The following OPA3 variants were observed in gnomAD, a reference collection of about 807,000 sequenced individuals.
OPA3 encodes the protein optic atrophy 3 protein.
OPA3 carries 6 observed loss-of-function variants against 4.0 expected under a neutral mutation model. That is an observed-to-expected ratio of 1.51 (90% CI 0.83 to 2.99). The LOEUF is 2.99. Among genes scored for constraint, OPA3 ranks in the 30% most tolerant of loss-of-function variants. The pLI, the probability that OPA3 is intolerant of heterozygous loss-of-function variation, is 0.00. For missense variants in OPA3, 235 were observed against 256.2 expected, an observed-to-expected ratio of 0.92 and a Z score of 0.56; for synonymous variants, 105 against 117.1, an observed-to-expected ratio of 0.90 and a Z score of 0.67.
chr19:45,529,542 A>T, intron 1 of OPA3: 1 of 1,503,890 alleles, frequency 6.6e-7, no homozygotes, highest in Non-Finnish European at 9.2e-7. Context: ...TCCCCGTTGT[A>T]GCAATGGGGA....
At chr19:45,578,709 C>T (rs1939791123) in intron 1 of OPA3, among the ~76,000 whole-genome samples, 2 of 152,128 alleles carry the variant, frequency 1.3e-5, no homozygotes, top group African/African-American at 4.8e-5. Context: ...TGCCTGTAAT[C>T]CCAGCTACTC....
downstream of OPA3, among the ~76,000 whole-genome samples, chr19:45,544,076 G>C (rs1969216855): frequency 6.6e-6 from 1 of 152,172 alleles, no homozygotes; most frequent in Non-Finnish European, 1.5e-5. Flanking sequence ...AGGAAGTTCT[G>C]TTATCAGGCA....
At chr19:45,537,841 A>C (rs1969139621) in intron 1 of OPA3, among the ~76,000 whole-genome samples, 1 of 152,154 alleles carries the variant, frequency 6.6e-6, no homozygotes, top group Non-Finnish European at 1.5e-5. Flanking sequence ...AAAGAGGACA[A>C]AATGTTCATT....
intron 1 of OPA3, among the ~76,000 whole-genome samples, chr19:45,576,600 G>A (rs1969772719): frequency 6.7e-6 from 1 of 150,232 alleles, no homozygotes; most frequent in African/African-American, 2.5e-5. Context: ...GGTGTCCGCA[G>A]GGCTGTGTTC....
chr19:45,544,478 G>A (rs139822918), downstream of OPA3, among the ~76,000 whole-genome samples: 1,366 of 151,906 alleles, frequency 9.0e-3, 19 homozygotes, highest in African/African-American at 0.031. Flanking sequence ...TGGCCAACAC[G>A]ATGAAACCCC....
chr19:45,580,001 C>CTTTTTTTTTTTTTTT (rs57357578), intron 1 of OPA3, among the ~76,000 whole-genome samples: 1 of 114,886 alleles, frequency 8.7e-6, no homozygotes, highest in Non-Finnish European at 1.7e-5. Flanking sequence ...TTTTTTTTTT[C>CTTTTTTTTTTTTTTT]TTTTTTTTTT....
intron 1 of OPA3, among the ~76,000 whole-genome samples, chr19:45,567,774 C>G (rs1170948983): frequency 6.6e-6 from 1 of 152,196 alleles, no homozygotes; most frequent in Non-Finnish European, 1.5e-5. Context: ...GAACCTGTTT[C>G]TCTCGCTTTG....
At chr19:45,583,197 C>T (rs1198198512) in intron 1 of OPA3, among the ~76,000 whole-genome samples, 1 of 152,008 alleles carries the variant, frequency 6.6e-6, no homozygotes, top group Admixed American at 6.6e-5. Flanking sequence ...GTCACCCAGG[C>T]TGGAGTACAG....
rs906152732 is a variant in OPA3 at position 45,547,429 on chromosome 19, G to A, written c.*6085C>T. 6.6e-6 allele frequency: 1 copy of A among 152,226 alleles called. No homozygotes were observed. Among genetic ancestry groups the A allele is most frequent in the Non-Finnish European group, 1.5e-5 (1 of 68,034 alleles). The allele number at this position is 152,226 out of a possible 1,614,324, so 9.4% of individuals were successfully genotyped here. A position where few individuals can be genotyped will look rare whatever the true frequency, so the allele number is the denominator to read the frequency against. ...AAGTCTTTATTTACAAAGACAGGAA[G>A]CAAGGGTCCCCTTGATTTGGCCCAA... is the stretch of plus-strand genomic sequence containing the variant. On this transcript the variant is annotated 3_prime_UTR_variant, in exon 2 of 2. Transcript: ENST00000263275.
At chr19:45,570,181 G>A (rs1420784607) in intron 1 of OPA3, among the ~76,000 whole-genome samples, 7 of 152,156 alleles carry the variant, frequency 4.6e-5, no homozygotes, top group African/African-American at 1.7e-4. Flanking sequence ...CCTCTACACA[G>A]GGGCTTCTGA....
intron 1 of OPA3, among the ~76,000 whole-genome samples, chr19:45,536,120 T>C (rs1336492972): frequency 6.7e-6 from 1 of 148,234 alleles, no homozygotes; most frequent in Non-Finnish European, 1.5e-5. Context: ...TCTCAGCTAC[T>C]CAGGAGGCTT....
intron 1 of OPA3, among the ~76,000 whole-genome samples, chr19:45,574,282 C>A (rs1231352248): frequency 6.6e-6 from 1 of 151,596 alleles, no homozygotes; most frequent in Non-Finnish European, 1.5e-5. Flanking sequence ...GTAGTCCCAG[C>A]TACTCGGGAG....
At position 45,553,418 on chromosome 19, in the gene OPA3, G is replaced by A; in HGVS notation, c.*96C>T. The A allele has an allele frequency of 6.3e-7, 1 of 1,597,912 alleles. No homozygotes were observed. Among genetic ancestry groups the A allele is most frequent in the Non-Finnish European group, 8.5e-7 (1 of 1,178,510 alleles). ...GCCAAGTTGCATCAAGATCCTGGTG[G>A]TTTCCACTGGGCCAGCGCAGGCAAG... On this transcript the variant is annotated 3_prime_UTR_variant, in exon 2 of 2. Transcript: ENST00000263275.
At chr19:45,564,188 A>C in intron 1 of OPA3, among the ~76,000 whole-genome samples, 1 of 148,866 alleles carries the variant, frequency 6.7e-6, no homozygotes, top group East Asian at 2.0e-4. Flanking sequence ...TTGGGAGGGT[A>C]TGCGACTAGG....
chr19:45,543,761 T>C (rs1304058737), downstream of OPA3, among the ~76,000 whole-genome samples: 1 of 152,154 alleles, frequency 6.6e-6, no homozygotes, highest in Non-Finnish European at 1.5e-5. Flanking sequence ...ACACTGCAAC[T>C]GGCCAACGTT....
In OPA3 at chr19:45,549,168, A is replaced by G; in HGVS notation, c.*4346T>C. The G allele has an allele frequency of 1.0e-6, 1 of 985,294 alleles. No homozygotes were observed. The highest frequency in any genetic ancestry group is 1.2e-6 in the Non-Finnish European group (1 of 829,930). The allele number at this position is 985,294 out of a possible 1,614,324, so 61.0% of individuals were successfully genotyped here. A position where few individuals can be genotyped will look rare whatever the true frequency, so the allele number is the denominator to read the frequency against. ...TTGAAGATAATCAGCTTCATTTACA[A>G]ATTTATTCTAACCCCTCTCCCCAAA... On this transcript the variant is annotated 3_prime_UTR_variant, in exon 2 of 2. Coordinates refer to ENST00000263275, the MANE Select transcript of OPA3 (RefSeq NM_025136.4).
intron 1 of OPA3, among the ~76,000 whole-genome samples, chr19:45,534,812 T>C (rs1281733525): frequency 1.3e-5 from 2 of 151,852 alleles, no homozygotes; most frequent in Non-Finnish European, 2.9e-5. Flanking sequence ...TTTGTATTTT[T>C]AGTAGAGACG....
intron 1 of OPA3, among the ~76,000 whole-genome samples, chr19:45,532,241 C>T (rs1021690233): frequency 6.6e-6 from 1 of 152,266 alleles, no homozygotes; most frequent in Middle Eastern, 3.4e-3. Context: ...TAGTGCTGTC[C>T]ACAACTGTAC....
chr19:45,571,154 AT>A (rs1391022209), intron 1 of OPA3, among the ~76,000 whole-genome samples: 1 of 151,136 alleles, frequency 6.6e-6, no homozygotes. Context: ...ATTTTATTTT[AT>A]TTTTTTGAGA....
Sources: gnomAD v4.1 joint callset for allele counts (sites outside exome capture counted in the v4.1 genomes callset) on GRCh38, gnomAD v4.1.1 for gene constraint, MANE v1.5 for transcripts, NCBI Gene and HGNC (gene_info 2026-07-23, HGNC 2026-07-21) for gene names.